VSIG1: variants seen among roughly 807,000 people sequenced by gnomAD.
VSIG1 encodes V-set and immunoglobulin domain-containing protein 1.
Under a neutral mutation model 20.1 loss-of-function variants are expected in VSIG1, and 11 were observed. The ratio of observed to expected loss-of-function variants is 0.55; its 90% CI spans 0.34 to 0.91. VSIG1 has a LOEUF of 0.91. VSIG1 is among the 40% of genes least tolerant of loss of function. The pLI is 0.02. For missense variants in VSIG1, 283 were observed against 298.8 expected, an observed-to-expected ratio of 0.95 and a Z score of 0.39; for synonymous variants, 126 against 116.7, an observed-to-expected ratio of 1.08 and a Z score of -0.52.
At chrX:108,019,096 C>T in the VSIG1 span, among the ~76,000 whole-genome samples, 7 of 111,986 alleles carry the variant, frequency 6.3e-5, no homozygotes, top group Non-Finnish European at 9.4e-5. Flanking sequence ...GGGGCAATGT[C>T]GGTACCAGTG....
In VSIG1 at chrX:108,077,460, C is replaced by T; in HGVS notation, c.*79C>T. 2 of 1,070,590 alleles carry T rather than the reference C, an allele frequency of 1.9e-6. No homozygotes were observed. Among genetic ancestry groups the T allele is most frequent in the Non-Finnish European group, 2.5e-6 (2 of 795,866 alleles). 88.2% of individuals were successfully genotyped at this position (1,070,590 alleles called of 1,213,427 possible). The stretch of plus-strand genomic sequence containing the variant: ...GAATTCAAATAACCTAACCAACCTC[C>T]ACCTCCTCCTTCCATTTTGACCAAC... On this transcript the variant is annotated 3_prime_UTR_variant, in exon 7 of 7. Transcript: ENST00000217957.
intron 1 of VSIG1, among the ~76,000 whole-genome samples, chrX:108,054,990 A>C (rs1275653228): frequency 2.8e-5 from 3 of 108,991 alleles, no homozygotes; most frequent in Non-Finnish European, 5.7e-5. Context: ...TGAAATAGAA[A>C]AACTATAGGG....
chrX:108,064,620 G>A (rs955138406), intron 2 of VSIG1: 13 of 371,363 alleles, frequency 3.5e-5, no homozygotes, highest in African/African-American at 5.6e-5. Flanking sequence ...GGGACTTGCT[G>A]TGGGCCTCAG....
At chrX:108,041,195 G>A (rs1278079010), upstream of VSIG1, among the ~76,000 whole-genome samples, 2 of 108,706 alleles carry the variant, frequency 1.8e-5, no homozygotes, top group South Asian at 4.2e-4. Context: ...CTTCTAATGC[G>A]TGCTATGGTG....
At chrX:108,052,094 T>A (rs1170452817) in intron 1 of VSIG1, among the ~76,000 whole-genome samples, 1 of 111,179 alleles carries the variant, frequency 9.0e-6, no homozygotes, top group Non-Finnish European at 1.9e-5. Context: ...TTGATAATAA[T>A]GTATGTGCAT....
chrX:108,050,352 C>T (rs1479588329), intron 1 of VSIG1, among the ~76,000 whole-genome samples: 1 of 111,666 alleles, frequency 9.0e-6, no homozygotes, highest in African/African-American at 3.3e-5. Flanking sequence ...ATCCTCATCC[C>T]TTCACCCTCA....
the VSIG1 span, among the ~76,000 whole-genome samples, chrX:108,037,060 A>C: frequency 1.8e-5 from 2 of 111,659 alleles, no homozygotes; most frequent in Non-Finnish European, 3.8e-5. Context: ...CTTTAAGAGG[A>C]GATGCATGGC....
chrX:108,067,151 C>G lies in VSIG1; in HGVS notation c.412+17C>G. The G allele has an allele frequency of 1.7e-6, 2 of 1,208,465 alleles. No individual in the cohort carries two copies. Among genetic ancestry groups the G allele is most frequent in the South Asian group, 1.8e-5 (1 of 56,873 alleles). On this transcript the variant is annotated intron_variant, in intron 3 of 6. Transcript: ENST00000217957. ...GTGTGTTAGGTATGAGCACTTTTTTCTGCTTTTTCTTTTCTTGGAAAAAGT... is the reference window on the plus strand; with the variant it reads ...GTGTGTTAGGTATGAGCACTTTTTTGTGCTTTTTCTTTTCTTGGAAAAAGT...
the VSIG1 span, among the ~76,000 whole-genome samples, chrX:108,030,952 A>G: frequency 2.7e-5 from 3 of 112,424 alleles, no homozygotes; most frequent in Non-Finnish European, 5.6e-5. Flanking sequence ...CAAGCAAGGA[A>G]AAACTGTAGT....
the VSIG1 span, among the ~76,000 whole-genome samples, chrX:108,035,718 A>G: frequency 9.0e-6 from 1 of 110,648 alleles, no homozygotes; most frequent in African/African-American, 3.3e-5. Context: ...TAATCATAAT[A>G]CTTCTTAGTA....
At chrX:108,030,292 T>C in the VSIG1 span, among the ~76,000 whole-genome samples, 1 of 111,726 alleles carries the variant, frequency 9.0e-6, no homozygotes, top group East Asian at 2.8e-4. Flanking sequence ...AAAAGGAAAA[T>C]AGAAGTAATG....
chrX:108,020,526 T>C, the VSIG1 span, among the ~76,000 whole-genome samples: 1 of 111,807 alleles, frequency 8.9e-6, no homozygotes, highest in Non-Finnish European at 1.9e-5. Flanking sequence ...CTTTGTCTGT[T>C]TGAGGAGGTC....
At chrX:108,029,486 G>C in the VSIG1 span, among the ~76,000 whole-genome samples, 2 of 112,133 alleles carry the variant, frequency 1.8e-5, no homozygotes, top group Admixed American at 9.5e-5. Context: ...AGTGGATGTG[G>C]TCTGCCAGCC....
intron 3 of VSIG1, among the ~76,000 whole-genome samples, chrX:108,071,594 C>A (rs1161194967): frequency 4.5e-5 from 5 of 110,701 alleles, no homozygotes; most frequent in African/African-American, 1.6e-4. Flanking sequence ...CTCCTTGTCA[C>A]CCCTTCACCT....
intron 1 of VSIG1, among the ~76,000 whole-genome samples, chrX:108,050,989 A>G (rs1279012172): frequency 9.0e-6 from 1 of 111,070 alleles, no homozygotes; most frequent in Non-Finnish European, 1.9e-5. Flanking sequence ...CTGATACCCA[A>G]CTGAACAACA....
upstream of VSIG1, among the ~76,000 whole-genome samples, chrX:108,040,073 A>G (rs1260233732): frequency 8.9e-6 from 1 of 111,768 alleles, no homozygotes; most frequent in Non-Finnish European, 1.9e-5. Context: ...TGAAAAACAT[A>G]AAATTAAAAA....
chrX:108,071,431 T>A (rs757747739), intron 3 of VSIG1, among the ~76,000 whole-genome samples: 1 of 111,780 alleles, frequency 8.9e-6, no homozygotes, highest in South Asian at 3.8e-4. Context: ...GATATATAAA[T>A]GTATAAGATA....
At chrX:108,026,220 G>A in the VSIG1 span, among the ~76,000 whole-genome samples, 2 of 111,820 alleles carry the variant, frequency 1.8e-5, no homozygotes, top group Admixed American at 9.5e-5. Context: ...ATTTCTCCCA[G>A]TATCTTTTTT....
chrX:108,077,485 CCTT>C lies in VSIG1; in HGVS notation c.*110_*112del. The C allele has an allele frequency of 1.0e-6, 1 of 966,833 alleles. No individual in the cohort carries two copies. Among genetic ancestry groups the C allele is most frequent in the Non-Finnish European group, 1.4e-6 (1 of 705,677 alleles). The allele number at this position is 966,833 out of a possible 1,213,427, so 79.7% of individuals were successfully genotyped here. Reference sequence around the variant, plus strand: ...CACCTCCTCCTTCCATTTTGACCAACCTTCTTCTAACAAGGTGCTCATTCCTAC... The same window carrying C: ...CACCTCCTCCTTCCATTTTGACCAACCTTCTAACAAGGTGCTCATTCCTAC... On this transcript the variant is annotated 3_prime_UTR_variant, in exon 7 of 7. Coordinates refer to ENST00000217957, the MANE Select transcript of VSIG1 (RefSeq NM_182607.5).
Sources: gnomAD v4.1 joint callset for allele counts (sites outside exome capture counted in the v4.1 genomes callset) on GRCh38, gnomAD v4.1.1 for gene constraint, MANE v1.5 for transcripts, NCBI Gene and HGNC (gene_info 2026-07-23, HGNC 2026-07-21) for gene names.